ANKRD28: variants seen among roughly 807,000 people sequenced by gnomAD.
The protein encoded by ANKRD28 is ankyrin repeat domain 28.
In ANKRD28, 44 loss-of-function variants were observed where a neutral mutation model predicts 126.5. The ratio of observed to expected loss-of-function variants is 0.35; its 90% confidence interval spans 0.27 to 0.45. The LOEUF is 0.45. Among genes scored for constraint, ANKRD28 ranks in the 20% least tolerant of loss-of-function variants. ANKRD28 has a pLI of 1.00. For missense variants in ANKRD28, 1,110 were observed against 1,316.6 expected (o/e 0.84, Z 2.43); for synonymous variants, 442 against 468.5 (o/e 0.94, Z 0.73).
chr3:15,813,332 C>T (rs1373131258), intron 1 of ANKRD28, among the ~76,000 whole-genome samples: 1 of 152,148 alleles, frequency 6.6e-6, no homozygotes. Flanking sequence ...CATGCCGCTG[C>T]ACTCCAGTCT....
In ANKRD28 at chr3:15,735,420, T is replaced by A. The variant is rs1403816413; in HGVS notation, c.630A>T (p.Ala210=). ...DKKDRRAIHW[A]AYMGHIEVVK... The stretch of plus-strand genomic sequence containing the variant: ...TTAAAAAGTACATACCCATATATGC[T>A]GCCCAATGGATAGCACGCCTATCTT... Residue 210 remains alanine (A), a synonymous_variant, in exon 6 of 28, where the codon GCA becomes GCT. Transcript: ENST00000683139. The A allele has an allele frequency of 6.4e-7, 1 of 1,556,440 alleles. No homozygotes were observed. The highest frequency in any genetic ancestry group is 8.7e-7 in the Non-Finnish European group (1 of 1,149,112).
At chr3:15,821,444 G>A (rs776853386) in intron 1 of ANKRD28, among the ~76,000 whole-genome samples, 2 of 152,022 alleles carry the variant, frequency 1.3e-5, no homozygotes, top group Non-Finnish European at 2.9e-5. Flanking sequence ...AACAAATTAG[G>A]CTTTTTCATG....
intron 14 of ANKRD28, among the ~76,000 whole-genome samples, chr3:15,706,208 T>C (rs2071364020): frequency 6.6e-6 from 1 of 152,054 alleles, no homozygotes; most frequent in Admixed American, 6.6e-5. Flanking sequence ...GTCACTTACA[T>C]TAGGTATACC....
chr3:15,754,185 T>G (rs1455683547), intron 3 of ANKRD28, among the ~76,000 whole-genome samples: 1 of 152,122 alleles, frequency 6.6e-6, no homozygotes, highest in Non-Finnish European at 1.5e-5. Context: ...AAATAAATAA[T>G]TCATAAATTT....
At chr3:15,788,240 T>C (rs756552023) in intron 2 of ANKRD28, among the ~76,000 whole-genome samples, 14 of 152,198 alleles carry the variant, frequency 9.2e-5, no homozygotes, top group Non-Finnish European at 1.8e-4. Context: ...AAATTAGGAT[T>C]ATCTTTGTAT....
At chr3:15,701,667 T>C (rs187909189) in intron 14 of ANKRD28, among the ~76,000 whole-genome samples, 2 of 151,644 alleles carry the variant, frequency 1.3e-5, no homozygotes, top group Admixed American at 1.3e-4. Context: ...AATAAATAAA[T>C]AAAATAAAAA....
chr3:15,757,101 T>A (rs2058202624), intron 3 of ANKRD28, among the ~76,000 whole-genome samples: 1 of 152,230 alleles, frequency 6.6e-6, no homozygotes, highest in South Asian at 2.1e-4. Context: ...GTCCATTCAA[T>A]ACACAGTGTT....
chr3:15,793,068 C>A (rs1010849167), intron 2 of ANKRD28, among the ~76,000 whole-genome samples: 1 of 151,994 alleles, frequency 6.6e-6, no homozygotes, highest in African/African-American at 2.4e-5. Context: ...TTAAGAGAAA[C>A]CTGAGTTTCA....
In ANKRD28 at chr3:15,767,853, ACT is replaced by A. The variant is rs529518097; in HGVS notation, c.202-1543_202-1542del. Among the ~76,000 whole-genome samples the A allele has an allele frequency of 5.7e-3, 871 of 151,730 alleles. 6 individuals are homozygous for A. Among genetic ancestry groups the A allele is most frequent in the Non-Finnish European group, 8.2e-3 (556 of 67,930 alleles). ...CAGTGAGCTGAGATGGCGCCACTGC[ACT>A]CCAGCCTGGATGACAGAGAGAGACT... On this transcript the variant is annotated intron_variant, in intron 2 of 27. Transcript: ENST00000683139.
chr3:15,765,405 T>C (rs940163252), intron 3 of ANKRD28, among the ~76,000 whole-genome samples: 1 of 152,182 alleles, frequency 6.6e-6, no homozygotes, highest in Admixed American at 6.5e-5. Context: ...TGGCATTGCC[T>C]TCAAAATATA....
chr3:15,674,196 A>AAAAAAAAAAAAAAAAG lies in ANKRD28; in HGVS notation c.2965+1701_2965+1702insCTTTTTTTTTTTTTTT, dbSNP rs1470515364. ...CTTCAAAAAAAAAAAAAAAAAAAAA[A>AAAAAAAAAAAAAAAAG]AAGAAGAAGAACCGAAATTCAAGAG... On this transcript the variant is annotated intron_variant, in intron 27 of 27. Transcript: ENST00000683139. Among the ~76,000 whole-genome samples the AAAAAAAAAAAAAAAAG allele has an allele frequency of 1.7e-4, 22 of 130,156 alleles. 1 individual carries two copies. Among genetic ancestry groups the AAAAAAAAAAAAAAAAG allele is most frequent in the East Asian group, 1.4e-3 (4 of 2,942 alleles). 85.4% of individuals were successfully genotyped at this position (130,156 alleles called of 152,430 possible).
intron 21 of ANKRD28, among the ~76,000 whole-genome samples, chr3:15,682,080 CA>C (rs1305641635): frequency 6.6e-6 from 1 of 150,656 alleles, no homozygotes; most frequent in Non-Finnish European, 1.5e-5. Flanking sequence ...TGGGGTGACG[CA>C]AAAAAAATAT....
chr3:15,806,446 C>T (rs1024366765), intron 1 of ANKRD28, among the ~76,000 whole-genome samples: 1 of 152,104 alleles, frequency 6.6e-6, no homozygotes, highest in African/African-American at 2.4e-5. Flanking sequence ...TATAGCTGAT[C>T]TTAAAATTAG....
intron 1 of ANKRD28, among the ~76,000 whole-genome samples, chr3:15,850,204 A>AATATATATATAT (rs1226795631): frequency 5.8e-4 from 32 of 54,802 alleles, no homozygotes; most frequent in African/African-American, 8.9e-4. Flanking sequence ...AAAAAAAAAA[A>AATATATATATAT]ATATATATAT....
chr3:15,706,825 T>C (rs1361015563), intron 14 of ANKRD28, among the ~76,000 whole-genome samples: 1 of 152,242 alleles, frequency 6.6e-6, no homozygotes, highest in Non-Finnish European at 1.5e-5. Flanking sequence ...TTTATTTGCA[T>C]TTCTCTGATG....
Position 15,694,735 on chromosome 3 carries a change from T to C in ANKRD28, c.1761+4A>G. ...ATCAAGTCGGCTATGAAGGCAGTACTCACAGCCAAGTGTAAAGGGCTTATT... is the reference window on the plus strand; with the variant it reads ...ATCAAGTCGGCTATGAAGGCAGTACCCACAGCCAAGTGTAAAGGGCTTATT... On this transcript the variant is annotated splice_donor_region_variant and intron_variant, in intron 17 of 27. Transcript: ENST00000683139. 1 of 1,612,840 alleles carries C rather than the reference T, an allele frequency of 6.2e-7. No homozygotes were observed.
intron 2 of ANKRD28, among the ~76,000 whole-genome samples, chr3:15,788,176 T>C (rs931251032): frequency 1.8e-4 from 27 of 152,166 alleles, no homozygotes; most frequent in Admixed American, 1.6e-3. Flanking sequence ...TTGTGTCTTA[T>C]TTGTCTCATC....
chr3:15,802,314 T>C (rs1478768851), upstream of ANKRD28, among the ~76,000 whole-genome samples: 1 of 152,040 alleles, frequency 6.6e-6, no homozygotes, highest in East Asian at 1.9e-4. Flanking sequence ...GGGAGCTGGG[T>C]CTTTGAGGAC....
intron 4 of ANKRD28, among the ~76,000 whole-genome samples, chr3:15,741,502 G>A (rs1308754126): frequency 2.0e-5 from 3 of 152,056 alleles, no homozygotes; most frequent in Non-Finnish European, 4.4e-5. Flanking sequence ...GAGGGAATGT[G>A]TAAGAAATGC....
Sources: allele counts gnomAD v4.1 joint callset (sites outside exome capture counted in the v4.1 genomes callset), GRCh38; gene constraint gnomAD v4.1.1; transcripts MANE v1.5; gene names NCBI Gene and HGNC (gene_info 2026-07-23, HGNC 2026-07-21).